THSD7B: variants seen among roughly 807,000 people sequenced by gnomAD.
THSD7B encodes thrombospondin type 1 domain containing 7B, also known as thrombospondin type-1 domain-containing protein 7B.
A neutral mutation model predicts 213.6 loss-of-function variants in THSD7B; 138 were observed. The ratio of observed to expected loss-of-function variants is 0.65; its 90% CI spans 0.56 to 0.74. THSD7B has a LOEUF of 0.74. Among genes scored for constraint, THSD7B ranks in the 30% least tolerant of loss-of-function variants. The probability of loss-of-function intolerance (pLI) is 0.00; values close to 1 mark genes in which losing one functional copy is unlikely to be tolerated. For synonymous variants in THSD7B, 742 were observed against 687.0 expected (o/e 1.08, Z -1.25); for missense variants, 1,931 against 1,991.5 (o/e 0.97, Z 0.58).
chr2:137,207,248 G>C (rs1681006608), intron 7 of THSD7B, among the ~76,000 whole-genome samples: 1 of 151,996 alleles, frequency 6.6e-6, no homozygotes, highest in African/African-American at 2.4e-5. Context: ...TTACAAATGA[G>C]GAAACTAAGC....
intron 12 of THSD7B, among the ~76,000 whole-genome samples, chr2:137,322,338 T>C (rs1488901693): frequency 1.3e-5 from 2 of 152,168 alleles, no homozygotes; most frequent in African/African-American, 4.8e-5. Context: ...GTAGAGACAT[T>C]ATGATGATTA....
Position 137,196,602 on chromosome 2 carries a change from C to T in THSD7B, c.1723+25664C>T, listed in dbSNP as rs995612996. ...TTCAGAGTCAGGAATGATGGTGATG[C>T]CAAACAACCACAGATTGTCCATGTG... On this transcript the variant is annotated intron_variant, in intron 7 of 27. Coordinates refer to ENST00000409968, the MANE Select transcript of THSD7B (RefSeq NM_001316349.2). 6.6e-5 allele frequency among the ~76,000 whole-genome samples: 10 copies of T among 152,002 alleles called. 1 individual carries two copies. The highest frequency in any genetic ancestry group is 1.2e-4 in the Non-Finnish European group (8 of 68,016).
intron 14 of THSD7B, 35 bp from the exon 15 acceptor site, chr2:137,450,810 A>G (rs752728955): frequency 1.3e-6 from 2 of 1,502,152 alleles, no homozygotes; most frequent in East Asian, 2.3e-5. Flanking sequence ...GTACATTTTA[A>G]TCAGACTTTC....
At chr2:137,607,641 C>G (rs1169780815) in intron 17 of THSD7B, among the ~76,000 whole-genome samples, 1 of 152,140 alleles carries the variant, frequency 6.6e-6, no homozygotes, top group Non-Finnish European at 1.5e-5. Flanking sequence ...CTTCCTCTCT[C>G]AATGCCAAAT....
chr2:137,632,336 C>T (rs1012115669), intron 20 of THSD7B, among the ~76,000 whole-genome samples: 19 of 152,142 alleles, frequency 1.2e-4, no homozygotes, highest in Admixed American at 4.6e-4. Context: ...GTTCTTGCCT[C>T]GCAACTAATA....
At chr2:137,613,495 G>T (rs1682325056) in intron 17 of THSD7B, among the ~76,000 whole-genome samples, 1 of 152,164 alleles carries the variant, frequency 6.6e-6, no homozygotes, top group Non-Finnish European at 1.5e-5. Flanking sequence ...GGTAAATGCT[G>T]CTTTACAAAA....
At chr2:136,869,243 G>A (rs778177) in intron 1 of THSD7B, among the ~76,000 whole-genome samples, 9 of 152,042 alleles carry the variant, frequency 5.9e-5, no homozygotes, top group Admixed American at 3.9e-4. Context: ...GTAGGGTTGC[G>A]TAACTTCTGA....
chr2:137,669,636 A>G (rs1683520953), intron 27 of THSD7B, among the ~76,000 whole-genome samples: 1 of 152,194 alleles, frequency 6.6e-6, no homozygotes, highest in South Asian at 2.1e-4. Context: ...GCCAATAGGA[A>G]ACTGCTTTCA....
intron 12 of THSD7B, among the ~76,000 whole-genome samples, chr2:137,385,065 G>C (rs1472741425): frequency 6.6e-6 from 1 of 152,176 alleles, no homozygotes; most frequent in Non-Finnish European, 1.5e-5. Context: ...GACCCAGGGA[G>C]CTTCAAAGAA....
chr2:137,557,858 C>T (rs940984607), intron 15 of THSD7B, among the ~76,000 whole-genome samples: 47 of 152,078 alleles, frequency 3.1e-4, no homozygotes, highest in South Asian at 1.5e-3. Flanking sequence ...ATCAAATAGA[C>T]GCAATAAAAA....
At chr2:136,807,977 A>G (rs1682314123) in intron 1 of THSD7B, among the ~76,000 whole-genome samples, 1 of 152,252 alleles carries the variant, frequency 6.6e-6, no homozygotes, top group Non-Finnish European at 1.5e-5. Flanking sequence ...GATAAGAGCT[A>G]GGACATACAT....
intron 7 of THSD7B, among the ~76,000 whole-genome samples, chr2:137,189,449 G>A (rs1680615170): frequency 6.6e-6 from 1 of 152,052 alleles, no homozygotes. Context: ...CTCTTTCTCA[G>A]GGCCTCTAGT....
At chr2:137,430,693 A>T (rs1215493022) in intron 14 of THSD7B, among the ~76,000 whole-genome samples, 2 of 152,204 alleles carry the variant, frequency 1.3e-5, no homozygotes, top group Admixed American at 1.3e-4. Flanking sequence ...TTCCATGTTT[A>T]TTTCAGAAAG....
intron 4 of THSD7B, among the ~76,000 whole-genome samples, chr2:137,095,805 C>T (rs1027396027): frequency 3.9e-5 from 6 of 152,152 alleles, no homozygotes; most frequent in African/African-American, 1.4e-4. Flanking sequence ...AAGAAATCCT[C>T]CCATCTCAGC....
intron 5 of THSD7B, among the ~76,000 whole-genome samples, chr2:137,149,644 A>G (rs1036586227): frequency 1.3e-5 from 2 of 152,220 alleles, no homozygotes; most frequent in African/African-American, 4.8e-5. Flanking sequence ...GACATGAGAC[A>G]TGGAGTCGAA....
At chr2:137,447,098 T>C (rs1278926932) in intron 14 of THSD7B, among the ~76,000 whole-genome samples, 1 of 152,144 alleles carries the variant, frequency 6.6e-6, no homozygotes, top group Non-Finnish European at 1.5e-5. Flanking sequence ...GAAAAATAAA[T>C]GTCACTGTTG....
intron 1 of THSD7B, among the ~76,000 whole-genome samples, chr2:136,855,859 G>A (rs1025466086): frequency 1.9e-4 from 29 of 151,916 alleles, no homozygotes; most frequent in African/African-American, 7.0e-4. Flanking sequence ...GACACCAAGT[G>A]CACCCTCTCC....
At chr2:136,927,369 G>A (rs756558315) in intron 2 of THSD7B, among the ~76,000 whole-genome samples, 3 of 152,076 alleles carry the variant, frequency 2.0e-5, no homozygotes, top group Non-Finnish European at 2.9e-5. Flanking sequence ...TCATTATTAC[G>A]CAAGAATATT....
At chr2:137,089,265 T>C (rs981641435) in intron 3 of THSD7B, among the ~76,000 whole-genome samples, 3 of 143,666 alleles carry the variant, frequency 2.1e-5, no homozygotes, top group African/African-American at 8.5e-5. Flanking sequence ...TGTGTGTGTG[T>C]GTGTGTGTGT....
Sources: allele counts gnomAD v4.1 joint callset (sites outside exome capture counted in the v4.1 genomes callset), GRCh38; gene constraint gnomAD v4.1.1; transcripts MANE v1.5; gene names NCBI Gene and HGNC (gene_info 2026-07-23, HGNC 2026-07-21).